TSGA10: variants seen among roughly 807,000 people sequenced by gnomAD.
TSGA10 encodes the protein testis-specific gene 10 protein.
TSGA10 carries 43 observed loss-of-function variants against 96.6 expected under a neutral mutation model. The ratio of observed to expected loss-of-function variants is 0.44; its 90% CI spans 0.35 to 0.57. The LOEUF is 0.57. Ranked by LOEUF, TSGA10 falls within the 20% of genes least tolerant of loss-of-function variation. The probability of loss-of-function intolerance (pLI) is 0.01; values close to 1 mark genes in which losing one functional copy is unlikely to be tolerated. For synonymous variants in TSGA10, 229 were observed against 269.9 expected (o/e 0.85, Z 1.48); for missense variants, 703 against 834.4 (o/e 0.84, Z 1.94).
At chr2:99,003,399 A>C (rs576517132) in intron 20 of TSGA10, among the ~76,000 whole-genome samples, 23 of 152,320 alleles carry the variant, frequency 1.5e-4, no homozygotes, top group Admixed American at 5.2e-4. Flanking sequence ...AACGAGAAAG[A>C]AACTTAACAA....
At chr2:99,120,169 T>C (rs1473751603) in intron 2 of TSGA10, among the ~76,000 whole-genome samples, 3 of 152,230 alleles carry the variant, frequency 2.0e-5, no homozygotes, top group African/African-American at 7.2e-5. Context: ...CACTTGTTTC[T>C]GCATCATTTA....
Position 99,105,346 on chromosome 2 carries a change from T to TA in TSGA10, c.459+12_459+13insT. The TA allele has an allele frequency of 7.0e-6, 11 of 1,578,108 alleles. No homozygotes were observed. The highest frequency in any genetic ancestry group is 9.4e-6 in the Non-Finnish European group (11 of 1,169,382). ...TATAGCCAAAAGAGACTTTTCTTTT[T>TA]TTTTTTTTTTACATTATGAACTGTA... On this transcript the variant is annotated intron_variant, in intron 9 of 20. Transcript: ENST00000393483.
intron 1 of TSGA10, among the ~76,000 whole-genome samples, chr2:99,128,539 C>T (rs1291404554): frequency 6.6e-6 from 1 of 152,168 alleles, no homozygotes; most frequent in Non-Finnish European, 1.5e-5. Context: ...TATTTACAGG[C>T]TGAGATTTGA....
chr2:99,014,203 C>T (rs1382096062), intron 20 of TSGA10, among the ~76,000 whole-genome samples: 3 of 151,908 alleles, frequency 2.0e-5, no homozygotes, highest in East Asian at 3.9e-4. Context: ...GGCATTGTGA[C>T]GCATGCCTGT....
intron 16 of TSGA10, among the ~76,000 whole-genome samples, chr2:99,044,665 G>C (rs1273806381): frequency 6.6e-6 from 1 of 152,098 alleles, no homozygotes; most frequent in Non-Finnish European, 1.5e-5. Flanking sequence ...CTTGAACTCA[G>C]CTCTGGACCA....
intron 1 of TSGA10, chr2:99,141,233 T>C (rs76474684): frequency 0.16 from 158,413 of 1,003,296 alleles, 13,528 homozygotes; most frequent in Middle Eastern, 0.27. Flanking sequence ...CACCCCCAAA[T>C]CGTCCTGGCC....
chr2:99,059,052 A>ATATATATATATATATATTTATATATTTT (rs1204692149), intron 16 of TSGA10, among the ~76,000 whole-genome samples: 7 of 61,258 alleles, frequency 1.1e-4, no homozygotes, highest in African/African-American at 2.0e-4. Flanking sequence ...AAAAAATAAT[A>ATATATATATATATATATTTATATATTTT]TATATATATA....
chr2:99,006,997 A>G (rs577795331), intron 20 of TSGA10, among the ~76,000 whole-genome samples: 63 of 152,346 alleles, frequency 4.1e-4, no homozygotes, highest in African/African-American at 1.4e-3. Flanking sequence ...TTGTAGGGAC[A>G]TGGATGAAGC....
chr2:99,047,768 A>G (rs1450104274), intron 16 of TSGA10, among the ~76,000 whole-genome samples: 1 of 152,202 alleles, frequency 6.6e-6, no homozygotes, highest in African/African-American at 2.4e-5. Context: ...TTAGGAAAAG[A>G]GGAAGTCAAA....
chr2:99,119,971 T>C (rs2092484897), intron 2 of TSGA10, among the ~76,000 whole-genome samples: 1 of 152,204 alleles, frequency 6.6e-6, no homozygotes, highest in African/African-American at 2.4e-5. Flanking sequence ...AAATGTCTGT[T>C]AACTTCCCAC....
At position 99,150,846 on chromosome 2, in the gene TSGA10, C is replaced by T. The variant is rs111826595; in HGVS notation, c.-621+3847G>A. On this transcript the variant is annotated intron_variant, in intron 1 of 20. Coordinates refer to ENST00000393483, the MANE Select transcript of TSGA10 (RefSeq NM_025244.4). ...CAGATGTGGAATGAAGCAATTTGTA[C>T]GTATTACCAAAGAAACCAAAAACTG... is the stretch of plus-strand genomic sequence containing the variant. 2.1e-3 allele frequency: 3,190 copies of T among 1,543,680 alleles called. 20 individuals carry two copies. In the African/African-American group the frequency reaches 0.025, roughly 12 times the overall value.
At chr2:99,081,439 T>C in intron 10 of TSGA10, 42 bp from the exon 11 acceptor site, 1 of 1,182,940 alleles carries the variant, frequency 8.5e-7, no homozygotes. Context: ...GAAATTTTTG[T>C]TTTGTCATCT....
At chr2:98,998,921 G>A (rs1417357358) in intron 20 of TSGA10, among the ~76,000 whole-genome samples, 7 of 152,026 alleles carry the variant, frequency 4.6e-5, no homozygotes, top group Non-Finnish European at 8.8e-5. Flanking sequence ...TTTGGAGACA[G>A]AGTCTCACTC....
intron 16 of TSGA10, among the ~76,000 whole-genome samples, chr2:99,056,140 G>A (rs1490789871): frequency 6.6e-6 from 1 of 151,756 alleles, no homozygotes; most frequent in African/African-American, 2.4e-5. Flanking sequence ...GGGAGGCAGC[G>A]CTTGCAGTGA....
chr2:99,128,904 C>T (rs1285050614), intron 1 of TSGA10, among the ~76,000 whole-genome samples: 2 of 152,168 alleles, frequency 1.3e-5, no homozygotes, highest in Non-Finnish European at 2.9e-5. Context: ...TGTGCCACCA[C>T]AATTGGCTAA....
chr2:99,044,819 T>C (rs1365721129), intron 16 of TSGA10, among the ~76,000 whole-genome samples: 1 of 152,120 alleles, frequency 6.6e-6, no homozygotes, highest in African/African-American at 2.4e-5. Flanking sequence ...ACAGAAATCA[T>C]AATAAACAGT....
chr2:99,036,182 T>C (rs2081609200), intron 16 of TSGA10, among the ~76,000 whole-genome samples: 3 of 152,160 alleles, frequency 2.0e-5, no homozygotes, highest in Admixed American at 2.0e-4. Context: ...AATAAATTTA[T>C]GTGTTTTTAC....
intron 1 of TSGA10, among the ~76,000 whole-genome samples, chr2:99,145,580 C>T (rs2093623491): frequency 6.6e-6 from 1 of 151,758 alleles, no homozygotes; most frequent in Admixed American, 6.6e-5. Flanking sequence ...AAAAAAGACC[C>T]TTGTGATTAC....
intron 10 of TSGA10, chr2:99,102,402 T>C (rs1196855278): frequency 6.2e-7 from 1 of 1,613,754 alleles, no homozygotes; most frequent in African/African-American, 1.3e-5. Context: ...TAGGGTGTCA[T>C]TTACAGGAAA....
Sources: allele counts gnomAD v4.1 joint callset (sites outside exome capture counted in the v4.1 genomes callset), GRCh38; gene constraint gnomAD v4.1.1; transcripts MANE v1.5; gene names NCBI Gene and HGNC (gene_info 2026-07-23, HGNC 2026-07-21).